The following FRMPD4 variants were observed in gnomAD, a reference collection of about 807,000 sequenced individuals.
The protein encoded by FRMPD4 is FERM and PDZ domain-containing protein 4.
FRMPD4 carries 22 observed loss-of-function variants against 94.1 expected under a neutral mutation model. That is an observed-to-expected ratio of 0.23 (90% CI 0.17 to 0.33). The LOEUF (loss-of-function observed/expected upper bound fraction) is 0.33. Among genes scored for constraint, FRMPD4 ranks in the 10% least tolerant of loss-of-function variants. FRMPD4 has a pLI of 1.00. For synonymous variants in FRMPD4, 631 were observed against 548.6 expected, an observed-to-expected ratio of 1.15 and a Z score of -2.10; for missense variants, 1,111 against 1,339.9, an observed-to-expected ratio of 0.83 and a Z score of 2.67.
intron 1 of FRMPD4, among the ~76,000 whole-genome samples, chrX:12,280,332 G>A (rs779817060): frequency 4.5e-5 from 5 of 110,242 alleles, no homozygotes; most frequent in African/African-American, 1.3e-4. Flanking sequence ...CATCTCTAAT[G>A]TAAATGTTGA....
rs1260917949 is a variant in FRMPD4, at chrX:12,425,570, A to G, written c.42-73110A>G. Among the ~76,000 whole-genome samples, 6 of 111,895 alleles carry G rather than the reference A, an allele frequency of 5.4e-5. No homozygotes were observed. The South Asian group carries it at 2.3e-3, about 42-fold the overall frequency. On this transcript the variant is annotated intron_variant, in intron 1 of 16. Transcript: ENST00000675598. Reference sequence around the variant, plus strand: ...CTTATGTCTCATGCATTGGTTCTCAACCGGGGGTATTTTGAGACACTTGGC... The same window carrying G: ...CTTATGTCTCATGCATTGGTTCTCAGCCGGGGGTATTTTGAGACACTTGGC...
chrX:12,713,044 C>T (rs187390430), intron 14 of FRMPD4, among the ~76,000 whole-genome samples: 2 of 109,286 alleles, frequency 1.8e-5, no homozygotes, highest in Non-Finnish European at 3.8e-5. Context: ...CTATTGCACT[C>T]CAGCCTCCAG....
chrX:12,036,745 CA>C (rs1412420581), intron 3 of FRMPD4, among the ~76,000 whole-genome samples: 2 of 111,431 alleles, frequency 1.8e-5, no homozygotes, highest in South Asian at 7.5e-4. Context: ...GACTTTATTT[CA>C]ATTTGTTTAT....
chrX:12,126,452 G>A (rs11095566), intron 3 of FRMPD4, among the ~76,000 whole-genome samples: 23,921 of 110,695 alleles, frequency 0.22, 1,946 homozygotes, highest in South Asian at 0.36. Flanking sequence ...AGATTTTAGT[G>A]TCTTACAAAG....
chrX:12,309,794 A>C (rs989280864), intron 1 of FRMPD4, among the ~76,000 whole-genome samples: 11 of 112,757 alleles, frequency 9.8e-5, no homozygotes, highest in African/African-American at 3.2e-4. Context: ...GATACCTTGG[A>C]TCAGCATTCA....
intron 4 of FRMPD4, among the ~76,000 whole-genome samples, chrX:12,626,607 T>C (rs1004440888): frequency 1.0e-5 from 1 of 98,054 alleles, no homozygotes; most frequent in Non-Finnish European, 2.0e-5. Context: ...CTTTAGAACC[T>C]GAGTCTTATC....
chrX:12,221,866 G>T (rs1235354238), intron 1 of FRMPD4, among the ~76,000 whole-genome samples: 1 of 111,774 alleles, frequency 8.9e-6, no homozygotes, highest in Non-Finnish European at 1.9e-5. Flanking sequence ...AATGGTTAAG[G>T]GAATTGTGAC....
chrX:12,484,321 A>G (rs754674535), intron 1 of FRMPD4, among the ~76,000 whole-genome samples: 8 of 112,310 alleles, frequency 7.1e-5, no homozygotes, highest in African/African-American at 2.6e-4. Context: ...AAGGAGAAAT[A>G]CACAGCCCAT....
chrX:12,620,674 T>G (rs1320449590), intron 4 of FRMPD4, among the ~76,000 whole-genome samples: 1 of 112,400 alleles, frequency 8.9e-6, no homozygotes, highest in East Asian at 2.8e-4. Flanking sequence ...CCATTGCAGA[T>G]CTAGCAGTAG....
At chrX:12,134,532 G>A (rs1167432801), upstream of FRMPD4, among the ~76,000 whole-genome samples, 3 of 112,009 alleles carry the variant, frequency 2.7e-5, no homozygotes, top group Non-Finnish European at 5.6e-5. Flanking sequence ...TCTCTCTATT[G>A]TAACTTGCAG....
At chrX:12,166,023 C>G (rs1174189838) in intron 1 of FRMPD4, among the ~76,000 whole-genome samples, 1 of 111,822 alleles carries the variant, frequency 8.9e-6, no homozygotes, top group African/African-American at 3.3e-5. Flanking sequence ...TCCTCTTTTC[C>G]TAATTGAATG....
chrX:12,258,874 A>G (rs192492495), intron 1 of FRMPD4, among the ~76,000 whole-genome samples: 315 of 111,047 alleles, frequency 2.8e-3, no homozygotes, highest in African/African-American at 9.7e-3. Context: ...TATTAACTCT[A>G]GTCTCCCTAC....
At chrX:12,637,089 T>C (rs1837809230) in intron 4 of FRMPD4, among the ~76,000 whole-genome samples, 1 of 112,429 alleles carries the variant, frequency 8.9e-6, no homozygotes, top group South Asian at 3.7e-4. Context: ...ATGTGTACAT[T>C]TTTAAATGAT....
intron 1 of FRMPD4, among the ~76,000 whole-genome samples, chrX:11,850,088 C>A (rs2053611941): frequency 9.0e-6 from 1 of 111,554 alleles, no homozygotes; most frequent in South Asian, 3.7e-4. Context: ...AACAACAAAC[C>A]AAATAACCTG....
chrX:12,054,897 T>C (rs1438409205), intron 3 of FRMPD4: 1 of 111,690 alleles, frequency 9.0e-6, no homozygotes, highest in Non-Finnish European at 1.9e-5. Context: ...GAACAGTCAA[T>C]TGAGATAATT....
chrX:12,284,200 A>G (rs1487474110), intron 1 of FRMPD4, among the ~76,000 whole-genome samples: 1 of 111,692 alleles, frequency 9.0e-6, no homozygotes, highest in African/African-American at 3.3e-5. Context: ...ATGGGCCTCA[A>G]ATAGAAACTA....
intron 1 of FRMPD4, among the ~76,000 whole-genome samples, chrX:12,491,075 C>T (rs1413986066): frequency 9.1e-6 from 1 of 110,474 alleles, no homozygotes; most frequent in African/African-American, 3.3e-5. Flanking sequence ...TTCCCTAGAG[C>T]CACACCAGCA....
intron 2 of FRMPD4, among the ~76,000 whole-genome samples, chrX:12,569,582 AC>A (rs1422636082): frequency 8.9e-6 from 1 of 112,106 alleles, no homozygotes; most frequent in Non-Finnish European, 1.9e-5. Flanking sequence ...GTTTTAAAAA[AC>A]CACACTCTGT....
chrX:12,323,589 G>C (rs1335907827), intron 1 of FRMPD4, among the ~76,000 whole-genome samples: 3 of 111,205 alleles, frequency 2.7e-5, no homozygotes, highest in Non-Finnish European at 5.7e-5. Flanking sequence ...TCTCAACCAG[G>C]CCCAACATGT....
Sources: allele counts gnomAD v4.1 joint callset (sites outside exome capture counted in the v4.1 genomes callset), GRCh38; gene constraint gnomAD v4.1.1; transcripts MANE v1.5; gene names NCBI Gene and HGNC (gene_info 2026-07-23, HGNC 2026-07-21).